Variants in PCDHGA12 observed in about 807,000 individuals in gnomAD.
PCDHGA12 encodes the protein protocadherin gamma-A12.
In PCDHGA12, 43 loss-of-function variants were observed where a neutral mutation model predicts 61.1. The ratio of observed to expected loss-of-function variants is 0.70; its 90% CI spans 0.55 to 0.91. The LOEUF is 0.91. Ranked by LOEUF, PCDHGA12 falls within the 40% of genes least tolerant of loss-of-function variation. PCDHGA12 has a pLI of 0.00. For missense variants in PCDHGA12, 1,236 were observed against 1,227.7 expected, an observed-to-expected ratio of 1.01 and a Z score of -0.10; for synonymous variants, 520 against 542.9, an observed-to-expected ratio of 0.96 and a Z score of 0.59.
At chr5:141,462,019 C>T (rs1276421563) in intron 1 of PCDHGA12, among the ~76,000 whole-genome samples, 6 of 152,178 alleles carry the variant, frequency 3.9e-5, no homozygotes, top group Non-Finnish European at 8.8e-5. Flanking sequence ...GACGGGGTTT[C>T]TTCATGTTGG....
At chr5:141,447,535 G>C (rs1366016262) in intron 1 of PCDHGA12, among the ~76,000 whole-genome samples, 1 of 152,162 alleles carries the variant, frequency 6.6e-6, no homozygotes, top group African/African-American at 2.4e-5. Flanking sequence ...AAATTGTTGG[G>C]TTTTAATGTT....
In PCDHGA12 at chr5:141,476,255, G is replaced by A. The variant is rs767691159; in HGVS notation, c.2425-18552G>A. 6.2e-7 allele frequency: 1 copy of A among 1,614,090 alleles called. No individual in the cohort carries two copies. Among genetic ancestry groups the A allele is most frequent in the Admixed American group, 1.7e-5 (1 of 60,022 alleles). ...GGAGGAAAGAGAGAAGGGTTTCGCT[G>A]TGGGCAACGTGGTCGCGAACCTTGG... On this transcript the variant is annotated intron_variant, in intron 1 of 3. Transcript: ENST00000252085. The surrounding 1 kb of genome is among the most constrained non-coding windows in gnomAD (Gnocchi z 7.6).
intron 1 of PCDHGA12, among the ~76,000 whole-genome samples, chr5:141,460,992 T>C (rs2099006034): frequency 6.6e-6 from 1 of 151,316 alleles, no homozygotes; most frequent in South Asian, 2.1e-4. Context: ...TGTATATATA[T>C]ATATGTGTAT....
In PCDHGA12 at chr5:141,494,634, T is replaced by C. The variant is rs917243803; in HGVS notation, c.2425-173T>C. The C allele has an allele frequency of 1.1e-5, 10 of 889,216 alleles. No individual in the cohort carries two copies. In the African/African-American group the frequency reaches 1.8e-4, roughly 16 times the overall value. 55.1% of individuals were successfully genotyped at this position (889,216 alleles called of 1,614,324 possible). A position where few individuals can be genotyped will look rare whatever the true frequency, so the allele number is the denominator to read the frequency against. On this transcript the variant is annotated intron_variant, in intron 1 of 3. Coordinates refer to ENST00000252085, the MANE Select transcript of PCDHGA12 (RefSeq NM_003735.3). ...CTTGGTTTCTGGTACCTCAGACCTC[T>C]GAGACCTGAGGTGTATTTTGTCTTT...
At position 141,491,753 on chromosome 5, in the gene PCDHGA12, C is replaced by T. The variant is rs373728953; in HGVS notation, c.2425-3054C>T. On this transcript the variant is annotated intron_variant, in intron 1 of 3. Coordinates refer to ENST00000252085, the MANE Select transcript of PCDHGA12 (RefSeq NM_003735.3). The surrounding 1 kb of genome is among the most constrained non-coding windows in gnomAD (Gnocchi z 6.9). ...ACCCCTGGGGGCGGCACTGGAGAAGCCGCCCGTCCTCATAAGGGATTGAAC... is the reference window on the plus strand; with the variant it reads ...ACCCCTGGGGGCGGCACTGGAGAAGTCGCCCGTCCTCATAAGGGATTGAAC... 4 of 1,585,146 alleles carry T rather than the reference C, an allele frequency of 2.5e-6. No homozygotes were observed. Among genetic ancestry groups the T allele is most frequent in the East Asian group, 2.3e-5 (1 of 43,412 alleles).
chr5:141,455,936 C>T (rs1194722770), intron 1 of PCDHGA12, among the ~76,000 whole-genome samples: 3 of 151,422 alleles, frequency 2.0e-5, no homozygotes, highest in East Asian at 3.9e-4. Flanking sequence ...CTCGCTCTGT[C>T]GCCCAGGCTG....
chr5:141,441,835 G>A (rs1423189098), intron 1 of PCDHGA12: 9 of 353,636 alleles, frequency 2.5e-5, no homozygotes, highest in Admixed American at 2.1e-4. Flanking sequence ...CAATGGCTTC[G>A]CGCTCTTGGA....
chr5:141,443,217 G>A (rs1447455858), intron 1 of PCDHGA12, among the ~76,000 whole-genome samples: 8 of 151,656 alleles, frequency 5.3e-5, no homozygotes, highest in African/African-American at 2.4e-5. Flanking sequence ...CTCGCCAGGC[G>A]CATCTATAAT....
intron 1 of PCDHGA12, chr5:141,478,026 C>G: frequency 6.2e-7 from 1 of 1,614,180 alleles, no homozygotes; most frequent in Non-Finnish European, 8.5e-7. Flanking sequence ...GTCCAAGACA[C>G]AGATTCACCC....
chr5:141,481,317 C>T (rs2099535550), intron 1 of PCDHGA12, among the ~76,000 whole-genome samples: 1 of 152,182 alleles, frequency 6.6e-6, no homozygotes, highest in African/African-American at 2.4e-5. Context: ...CTTCCTAAAG[C>T]ACTAGCCCCT....
At chr5:141,478,442 C>T in intron 1 of PCDHGA12, 1 of 1,613,608 alleles carries the variant, frequency 6.2e-7, no homozygotes, top group Non-Finnish European at 8.5e-7. Flanking sequence ...GCTGAAGAAA[C>T]CTGGTGCAGC....
intron 2 of PCDHGA12, 40 bp from the exon 3 acceptor site, chr5:141,505,353 G>T (rs376781305): frequency 1.7e-5 from 27 of 1,613,426 alleles, no homozygotes; most frequent in Non-Finnish European, 2.0e-5. Flanking sequence ...GAGCTGTGCC[G>T]GCCTGGGAGT....
At position 141,490,293 on chromosome 5, in the gene PCDHGA12, ATTG is replaced by A; in HGVS notation, c.2425-4513_2425-4511del. The A allele has an allele frequency of 1.9e-6, 3 of 1,614,190 alleles. No individual in the cohort carries two copies. Among genetic ancestry groups the A allele is most frequent in the Non-Finnish European group, 2.5e-6 (3 of 1,180,028 alleles). On this transcript the variant is annotated intron_variant, in intron 1 of 3. Coordinates refer to ENST00000252085, the MANE Select transcript of PCDHGA12 (RefSeq NM_003735.3). The surrounding 1 kb of genome is among the most constrained non-coding windows in gnomAD (Gnocchi z 5.4). ...TCAATGACAATGCCCCAGAGGTGCTATTGGCCTCTTTGGCCAACCCTGTCCTAG... is the reference window on the plus strand; with the variant it reads ...TCAATGACAATGCCCCAGAGGTGCTAGCCTCTTTGGCCAACCCTGTCCTAG...
intron 1 of PCDHGA12, among the ~76,000 whole-genome samples, chr5:141,468,273 C>T (rs894110332): frequency 1.4e-5 from 2 of 144,550 alleles, no homozygotes; most frequent in Non-Finnish European, 3.0e-5. Flanking sequence ...TGTGGTGAGC[C>T]GAGACCACGC....
intron 1 of PCDHGA12, among the ~76,000 whole-genome samples, chr5:141,482,530 C>CGAAAAAAA (rs2099566141): frequency 1.3e-5 from 1 of 76,562 alleles, no homozygotes; most frequent in African/African-American, 4.8e-5. Context: ...GACAGACATG[C>CGAAAAAAA]AAAAAAAAAA....
chr5:141,430,780 C>T lies in PCDHGA12; in HGVS notation c.21C>T (p.His7=). Residue 7 remains histidine, a synonymous_variant, in exon 1 of 4, where the codon CAC becomes CAT. Coordinates refer to ENST00000252085, the MANE Select transcript of PCDHGA12 (RefSeq NM_003735.3). ...TAAGAATGATTCCTGCGCGACTGCA[C>T]CGGGACTACAAAGGGCTTGTCCTGC... MIPARL[H]RDYKGLVLLG... 6.6e-7 allele frequency: 1 copy of T among 1,511,476 alleles called. No individual in the cohort carries two copies. Among genetic ancestry groups the T allele is most frequent in the Non-Finnish European group, 8.8e-7 (1 of 1,131,282 alleles). 93.6% of individuals were successfully genotyped at this position (1,511,476 alleles called of 1,614,324 possible). A position where few individuals can be genotyped will look rare whatever the true frequency, so the allele number is the denominator to read the frequency against.
rs2099391466 is a variant in PCDHGA12, at chr5:141,476,424, C to T, written c.2425-18383C>T. ...GAGGAGCTGTGTGGGACACTGCCCT[C>T]TTGCACTGTAACTCTGGAGTTGGTA... is the stretch of plus-strand genomic sequence containing the variant. On this transcript the variant is annotated intron_variant, in intron 1 of 3. Coordinates refer to ENST00000252085, the MANE Select transcript of PCDHGA12 (RefSeq NM_003735.3). This position sits in a 1 kb window ranked among gnomAD's most constrained non-coding sequence, Gnocchi z 7.6. 1 of 1,613,978 alleles carries T rather than the reference C, an allele frequency of 6.2e-7. No individual in the cohort carries two copies. The highest frequency in any genetic ancestry group is 1.1e-5 in the South Asian group (1 of 91,076).
At chr5:141,438,583 CAT>C (rs1561889590) in intron 1 of PCDHGA12, among the ~76,000 whole-genome samples, 4 of 57,610 alleles carry the variant, frequency 6.9e-5, no homozygotes, top group African/African-American at 3.6e-4. Flanking sequence ...TACATACATA[CAT>C]ACATACATAT....
Position 141,477,741 on chromosome 5 carries a change from G to A in PCDHGA12, c.2425-17066G>A, listed in dbSNP as rs1438249932. On this transcript the variant is annotated intron_variant, in intron 1 of 3. Transcript: ENST00000252085. The surrounding 1 kb of genome is among the most constrained non-coding windows in gnomAD (Gnocchi z 4.9). ...GAATTAACAGCTCATATCAGCGATG[G>A]GGGCACCCCGGTCCTAGCCACCAAC... is the stretch of plus-strand genomic sequence containing the variant. 4 of 1,613,802 alleles carry A rather than the reference G, an allele frequency of 2.5e-6. No individual in the cohort carries two copies. The highest frequency in any genetic ancestry group is 1.7e-5 in the Admixed American group (1 of 60,026).
Sources: allele counts gnomAD v4.1 joint callset (sites outside exome capture counted in the v4.1 genomes callset), GRCh38; gene constraint gnomAD v4.1.1; non-coding constraint Gnocchi (gnomAD v3.1); transcripts MANE v1.5; gene names NCBI Gene and HGNC (gene_info 2026-07-23, HGNC 2026-07-21).